PI4K2B: variants seen among roughly 807,000 people sequenced by gnomAD.
PI4K2B encodes the protein phosphatidylinositol 4-kinase type 2-beta.
PI4K2B carries 46 observed loss-of-function variants against 56.6 expected under a neutral mutation model. The ratio of observed to expected loss-of-function variants is 0.81; its 90% CI spans 0.64 to 1.04. The LOEUF is 1.04. Ranked by LOEUF, PI4K2B falls within the 50% of genes least tolerant of loss-of-function variation. The pLI is 0.00. For missense variants in PI4K2B, 556 were observed against 607.7 expected (o/e 0.91, Z 0.89); for synonymous variants, 211 against 223.8 (o/e 0.94, Z 0.51).
chr4:25,250,720 G>C (rs1462266526), intron 1 of PI4K2B: 1 of 152,200 alleles, frequency 6.6e-6, no homozygotes, highest in Admixed American at 6.5e-5. Flanking sequence ...TAGCTTCTCT[G>C]TTAGGTATAG....
Position 25,254,983 on chromosome 4 carries a change from G to C in PI4K2B, c.424-82G>C, listed in dbSNP as rs553530570. On this transcript the variant is annotated intron_variant, in intron 2 of 9. Coordinates refer to ENST00000264864, the MANE Select transcript of PI4K2B (RefSeq NM_018323.4). ...TACATCTGTGGTAGGAAGCAGTAGA[G>C]AACAATTTATTAGAATGCATTTTAT... 41 of 906,212 alleles carry C rather than the reference G, an allele frequency of 4.5e-5. No individual in the cohort carries two copies. The South Asian group carries it at 5.5e-4, about 12-fold the overall frequency. 56.1% of individuals were successfully genotyped at this position (906,212 alleles called of 1,614,324 possible).
At chr4:25,237,057 A>G (rs959812505) in intron 1 of PI4K2B, among the ~76,000 whole-genome samples, 1 of 152,314 alleles carries the variant, frequency 6.6e-6, no homozygotes, top group East Asian at 1.9e-4. Context: ...ACTCTTACTT[A>G]TATAAGCAAG....
chr4:25,271,928 A>C (rs1186872514), intron 9 of PI4K2B, among the ~76,000 whole-genome samples: 4 of 152,166 alleles, frequency 2.6e-5, no homozygotes, highest in Non-Finnish European at 5.9e-5. Flanking sequence ...AGATTGCTTG[A>C]GCTCAGGAGT....
At chr4:25,250,229 GA>G (rs1248011158) in intron 1 of PI4K2B, among the ~76,000 whole-genome samples, 1 of 152,156 alleles carries the variant, frequency 6.6e-6, no homozygotes, top group African/African-American at 2.4e-5. Flanking sequence ...GGAGAGGGGA[GA>G]GGGGAGAGGG....
chr4:25,261,011 T>A (rs1716457133), intron 6 of PI4K2B, among the ~76,000 whole-genome samples: 1 of 151,824 alleles, frequency 6.6e-6, no homozygotes, highest in African/African-American at 2.4e-5. Flanking sequence ...CCCAGCCAGT[T>A]CTGTTTTTTC....
chr4:25,249,498 G>A (rs1196243608), intron 1 of PI4K2B, among the ~76,000 whole-genome samples: 112 of 148,482 alleles, frequency 7.5e-4, no homozygotes, highest in African/African-American at 2.6e-3. Context: ...CCCGCCTCCC[G>A]GACGGGGTGG....
chr4:25,259,184 A>C lies in PI4K2B; in HGVS notation c.904A>C (p.Asn302His). 6.5e-7 allele frequency: 1 copy of C among 1,546,006 alleles called. No individual in the cohort carries two copies. ...AGTTATTTTGGATTACATCATCAGA[A>C]ATACAGGTATTGAAGTTCTCTCATT... ...RLVILDYIIR[N>H]TDRGNDNWLV... Residue 302 changes from asparagine to histidine, a missense_variant, in exon 5 of 10, where the codon AAT (asparagine) becomes CAT (histidine). Physicochemically the swap from Asn to His is moderately conservative, Grantham distance 68. Transcript: ENST00000264864.
intron 1 of PI4K2B, among the ~76,000 whole-genome samples, chr4:25,247,880 T>A (rs1715861117): frequency 6.6e-6 from 1 of 152,106 alleles, no homozygotes; most frequent in Non-Finnish European, 1.5e-5. Flanking sequence ...ATTTTTTATT[T>A]TTTGTGGAGA....
At chr4:25,263,385 G>T (rs934960108) in intron 6 of PI4K2B, among the ~76,000 whole-genome samples, 13 of 152,040 alleles carry the variant, frequency 8.6e-5, no homozygotes, top group African/African-American at 2.9e-4. Context: ...GATTATTAAG[G>T]TGTTTAAAAA....
At chr4:25,246,235 C>T (rs1489470911) in intron 1 of PI4K2B, among the ~76,000 whole-genome samples, 4 of 152,068 alleles carry the variant, frequency 2.6e-5, no homozygotes. Context: ...GTTGCCACTG[C>T]TGGTTCGGGC....
intron 1 of PI4K2B, among the ~76,000 whole-genome samples, chr4:25,247,512 C>G (rs1482785349): frequency 6.6e-6 from 1 of 152,156 alleles, no homozygotes; most frequent in Non-Finnish European, 1.5e-5. Flanking sequence ...AGGAAACAGT[C>G]AAACAAACGG....
At chr4:25,267,332 G>T (rs1031065101) in intron 7 of PI4K2B, among the ~76,000 whole-genome samples, 6 of 152,232 alleles carry the variant, frequency 3.9e-5, no homozygotes, top group Middle Eastern at 3.2e-3. Context: ...AAGGAGATGT[G>T]AGCCAGGGGA....
chr4:25,269,865 C>G (rs1716811060), intron 9 of PI4K2B, among the ~76,000 whole-genome samples: 1 of 151,544 alleles, frequency 6.6e-6, no homozygotes, highest in Non-Finnish European at 1.5e-5. Flanking sequence ...AGGCGCCCAC[C>G]ACCACACCCG....
rs558290372 is a variant in PI4K2B, at chr4:25,243,717, G to C, written c.269-8604G>C. On this transcript the variant is annotated intron_variant, in intron 1 of 9. Coordinates refer to ENST00000264864, the MANE Select transcript of PI4K2B (RefSeq NM_018323.4). ...TATTTTCTTAAGGCCTCTCGTAGCC[G>C]CTCGAGGAAGGCAGAAGGATTTTCT... is the stretch of plus-strand genomic sequence containing the variant. 1.3e-4 allele frequency among the ~76,000 whole-genome samples: 20 copies of C among 152,292 alleles called. No homozygotes were observed. The South Asian group carries it at 4.1e-3, about 32-fold the overall frequency.
Position 25,277,194 on chromosome 4 carries a change from T to G in PI4K2B, c.*7T>G, listed in dbSNP as rs751033047. On this transcript the variant is annotated 3_prime_UTR_variant, in exon 10 of 10. Transcript: ENST00000264864. ...ATTTTTTTCCTCCTGGTAGTAAATGTCAGAGTAAGAGAAACAAACTGTTTA... is the reference window on the plus strand; with the variant it reads ...ATTTTTTTCCTCCTGGTAGTAAATGGCAGAGTAAGAGAAACAAACTGTTTA... 6.2e-7 allele frequency: 1 copy of G among 1,609,094 alleles called. No individual in the cohort carries two copies. Among genetic ancestry groups the G allele is most frequent in the South Asian group, 1.1e-5 (1 of 90,814 alleles).
chr4:25,267,317 T>C (rs1236251156), intron 7 of PI4K2B, among the ~76,000 whole-genome samples: 1 of 152,244 alleles, frequency 6.6e-6, no homozygotes, highest in East Asian at 1.9e-4. Context: ...ATTGGACATA[T>C]CTACAAGGAG....
chr4:25,249,839 A>G (rs528136642), intron 1 of PI4K2B, among the ~76,000 whole-genome samples: 3 of 152,300 alleles, frequency 2.0e-5, no homozygotes, highest in East Asian at 3.9e-4. Flanking sequence ...AGAGACTGCA[A>G]TCTCGGCACT....
chr4:25,253,910 T>C, intron 2 of PI4K2B, among the ~76,000 whole-genome samples: 1 of 152,170 alleles, frequency 6.6e-6, no homozygotes, highest in East Asian at 1.9e-4. Flanking sequence ...TAGCCGGGAT[T>C]ACAGGCGCTC....
At chr4:25,259,621 G>A (rs1716384575) in intron 5 of PI4K2B, among the ~76,000 whole-genome samples, 1 of 151,814 alleles carries the variant, frequency 6.6e-6, no homozygotes, top group African/African-American at 2.4e-5. Flanking sequence ...CCAGTCTTTT[G>A]GCTTCCCTGG....
Sources: gnomAD v4.1 joint callset for allele counts (sites outside exome capture counted in the v4.1 genomes callset) on GRCh38, gnomAD v4.1.1 for gene constraint, MANE v1.5 for transcripts, NCBI Gene and HGNC (gene_info 2026-07-23, HGNC 2026-07-21) for gene names.